The following SLAIN2 variants were observed in gnomAD, a reference collection of about 807,000 sequenced individuals.
The protein encoded by SLAIN2 is SLAIN motif-containing protein 2.
Under a neutral mutation model 56.6 loss-of-function variants are expected in SLAIN2, and 31 were observed. That is an observed-to-expected ratio of 0.55 (90% CI 0.41 to 0.74). The LOEUF is 0.74. Ranked by LOEUF, SLAIN2 falls within the 30% of genes least tolerant of loss-of-function variation. The pLI, the probability that SLAIN2 is intolerant of heterozygous loss-of-function variation, is 0.00. For synonymous variants in SLAIN2, 317 were observed against 284.9 expected, an observed-to-expected ratio of 1.11 and a Z score of -1.13; for missense variants, 777 against 754.2, an observed-to-expected ratio of 1.03 and a Z score of -0.35.
intron 6 of SLAIN2, among the ~76,000 whole-genome samples, chr4:48,397,163 A>AAAATG (rs1260052126): frequency 6.6e-6 from 1 of 152,220 alleles, no homozygotes; most frequent in Admixed American, 6.5e-5. Context: ...CCAGCGGGAA[A>AAAATG]AAATGAAGAC....
In SLAIN2 at chr4:48,341,932, C is replaced by T. The variant is rs1292622261; in HGVS notation, c.193C>T (p.Arg65Trp). 6.7e-7 allele frequency: 1 copy of T among 1,500,168 alleles called. No homozygotes were observed. Among genetic ancestry groups the T allele is most frequent in the Admixed American group, 2.3e-5 (1 of 44,322 alleles). The allele number at this position is 1,500,168 out of a possible 1,614,324, so 92.9% of individuals were successfully genotyped here. The change falls in exon 1 of 8, where the codon CGG becomes TGG. Residue 65 changes from arginine (R) to tryptophan (W), a missense_variant. Arg to Trp is a moderately radical substitution (Grantham distance 101). Coordinates refer to ENST00000264313, the MANE Select transcript of SLAIN2 (RefSeq NM_020846.2). ...SIPSSGAASPRGFPLGLSAKS... is the reference protein window; with the variant it reads ...SIPSSGAASPWGFPLGLSAKS... The stretch of plus-strand genomic sequence containing the variant: ...TCCCTCCTCCGGCGCGGCGTCTCCT[C>T]GGGGCTTCCCCTTGGGCCTCAGCGC...
intron 1 of SLAIN2, among the ~76,000 whole-genome samples, chr4:48,359,018 G>T (rs1400446647): frequency 2.6e-5 from 4 of 152,192 alleles, no homozygotes; most frequent in Non-Finnish European, 4.4e-5. Flanking sequence ...ACCACGCCCA[G>T]CCTAAAGATA....
At position 48,342,711 on chromosome 4, in the gene SLAIN2, C is replaced by CTTTTTTTTTT. The variant is rs761272695; in HGVS notation, c.389+598_389+607dup. On this transcript the variant is annotated intron_variant, in intron 1 of 7. Transcript: ENST00000264313. ...GAAGAGAGGGCAGAGGATGGTGCTGCTTTTTTTTTTTTTTTTTTTTTTTTG... is the reference window on the plus strand; with the variant it reads ...GAAGAGAGGGCAGAGGATGGTGCTGCTTTTTTTTTTTTTTTTTTTTTTTTTTTTTTTTTTG... Among the ~76,000 whole-genome samples the CTTTTTTTTTT allele has an allele frequency of 3.0e-3, 195 of 65,946 alleles. 23 individuals are homozygous for CTTTTTTTTTT. The highest frequency in any genetic ancestry group is 5.1e-3 in the African/African-American group (82 of 15,984). 43.3% of individuals were successfully genotyped at this position (65,946 alleles called of 152,430 possible). A position where few individuals can be genotyped will look rare whatever the true frequency, so the allele number is the denominator to read the frequency against.
At chr4:48,371,150 G>C (rs1358867099) in intron 2 of SLAIN2, among the ~76,000 whole-genome samples, 2 of 149,740 alleles carry the variant, frequency 1.3e-5, no homozygotes, top group Non-Finnish European at 3.0e-5. Flanking sequence ...CTGTTGCCCA[G>C]GCTGGAGTGC....
At chr4:48,399,512 T>C (rs1716492640) in intron 6 of SLAIN2, among the ~76,000 whole-genome samples, 1 of 152,198 alleles carries the variant, frequency 6.6e-6, no homozygotes, top group Admixed American at 6.5e-5. Flanking sequence ...TCTTACCTGA[T>C]TGCCCTGACC....
chr4:48,366,586 G>A (rs1271424437), intron 1 of SLAIN2, among the ~76,000 whole-genome samples: 1 of 151,990 alleles, frequency 6.6e-6, no homozygotes, highest in Non-Finnish European at 1.5e-5. Flanking sequence ...AGTTTTTGTA[G>A]TTACTTTTTC....
rs1384653391 is a variant in SLAIN2 at position 48,424,152 on chromosome 4, T to A, written c.*2075T>A. 3 of 152,186 alleles carry A rather than the reference T, an allele frequency of 2.0e-5. No homozygotes were observed. Among genetic ancestry groups the A allele is most frequent in the African/African-American group, 4.8e-5 (2 of 41,454 alleles). 9.4% of individuals were successfully genotyped at this position (152,186 alleles called of 1,614,324 possible). On this transcript the variant is annotated 3_prime_UTR_variant, in exon 8 of 8. Coordinates refer to ENST00000264313, the MANE Select transcript of SLAIN2 (RefSeq NM_020846.2). ...TCAGAAAAAAATGTCTATTTTTTTT[T>A]ATTAAAATATTTCATCACTTGTTAA...
At chr4:48,418,070 A>G (rs911794592) in intron 6 of SLAIN2, among the ~76,000 whole-genome samples, 5 of 138,858 alleles carry the variant, frequency 3.6e-5, no homozygotes, top group African/African-American at 1.3e-4. Flanking sequence ...GCCTTTTATT[A>G]TTATTTCTTC....
chr4:48,363,795 G>T (rs1356846554), intron 1 of SLAIN2, among the ~76,000 whole-genome samples: 3 of 138,554 alleles, frequency 2.2e-5, no homozygotes, highest in African/African-American at 5.3e-5. Context: ...CGGGTGGGGG[G>T]GCTGACCCCC....
intron 2 of SLAIN2, among the ~76,000 whole-genome samples, chr4:48,375,698 A>G (rs2109757247): frequency 6.6e-6 from 1 of 152,308 alleles, no homozygotes; most frequent in East Asian, 1.9e-4. Context: ...TAGGTTTCAG[A>G]CTTCTGAGCG....
chr4:48,387,008 C>A (rs1269681166), intron 6 of SLAIN2, among the ~76,000 whole-genome samples: 2 of 152,156 alleles, frequency 1.3e-5, no homozygotes, highest in African/African-American at 4.8e-5. Context: ...AAGATGCTTT[C>A]ATATTTAGTT....
chr4:48,409,992 G>A lies in SLAIN2; in HGVS notation c.1361-10133G>A, dbSNP rs185497836. Reference sequence around the variant, plus strand: ...GCTTAGTGTAATTACTGGATCATATGGTAGCTTTATGTTTAACATATTAAG... The same window carrying A: ...GCTTAGTGTAATTACTGGATCATATAGTAGCTTTATGTTTAACATATTAAG... On this transcript the variant is annotated intron_variant, in intron 6 of 7. Transcript: ENST00000264313. Among the ~76,000 whole-genome samples the A allele has an allele frequency of 3.0e-3, 450 of 152,238 alleles. 10 individuals are homozygous for A. Among genetic ancestry groups the A allele is most frequent in the Admixed American group, 0.026 (396 of 15,290 alleles).
intron 1 of SLAIN2, among the ~76,000 whole-genome samples, chr4:48,365,087 G>T (rs1389174117): frequency 6.6e-6 from 1 of 151,886 alleles, no homozygotes. Context: ...TAGTGTTTGT[G>T]GTGATGTCCT....
At chr4:48,395,044 G>A (rs948412838) in intron 6 of SLAIN2, among the ~76,000 whole-genome samples, 7 of 152,142 alleles carry the variant, frequency 4.6e-5, no homozygotes. Flanking sequence ...GTGTAAAATG[G>A]GAACACTTCC....
chr4:48,391,365 G>A (rs1349263742), intron 6 of SLAIN2, among the ~76,000 whole-genome samples: 2 of 152,040 alleles, frequency 1.3e-5, no homozygotes, highest in South Asian at 2.1e-4. Flanking sequence ...CATGAAGTGC[G>A]GTATTTATTA....
chr4:48,384,940 T>TAA (rs1277355046), intron 6 of SLAIN2, among the ~76,000 whole-genome samples: 1 of 152,172 alleles, frequency 6.6e-6, no homozygotes, highest in African/African-American at 2.4e-5. Context: ...ATAATGATAC[T>TAA]AGCACAGTTA....
intron 6 of SLAIN2, among the ~76,000 whole-genome samples, chr4:48,391,977 C>G (rs116195578): frequency 0.021 from 3,173 of 152,208 alleles, 118 homozygotes; most frequent in African/African-American, 0.073. Flanking sequence ...GTGGAATTAT[C>G]TAAATATTAA....
Position 48,379,792 on chromosome 4 carries a change from A to C in SLAIN2, c.806A>C (p.Asn269Thr). 4 of 1,598,636 alleles carry C rather than the reference A, an allele frequency of 2.5e-6. No individual in the cohort carries two copies. The highest frequency in any genetic ancestry group is 3.4e-6 in the Non-Finnish European group (4 of 1,173,580). Residue 269 changes from asparagine to threonine, a missense_variant, in exon 4 of 8, where the codon AAT (asparagine) becomes ACT (threonine). Physicochemically the swap from Asn to Thr is moderately conservative, Grantham distance 65. Coordinates refer to ENST00000264313, the MANE Select transcript of SLAIN2 (RefSeq NM_020846.2). ...TTAGATGAAGATTCAATTGGATCCAATTATAAGCTAAATGATGTAACTGAT... is the reference window on the plus strand; with the variant it reads ...TTAGATGAAGATTCAATTGGATCCACTTATAAGCTAAATGATGTAACTGAT... Reference protein sequence around the residue: ...SELDEDSIGSNYKLNDVTDVQ... With the variant: ...SELDEDSIGSTYKLNDVTDVQ...
chr4:48,418,038 G>C (rs1191078272), intron 6 of SLAIN2, among the ~76,000 whole-genome samples: 1 of 151,904 alleles, frequency 6.6e-6, no homozygotes, highest in African/African-American at 2.4e-5. Context: ...AGACAACCAT[G>C]GGGACAGTTT....
Sources: gnomAD v4.1 joint callset for allele counts (sites outside exome capture counted in the v4.1 genomes callset) on GRCh38, gnomAD v4.1.1 for gene constraint, MANE v1.5 for transcripts, NCBI Gene and HGNC (gene_info 2026-07-23, HGNC 2026-07-21) for gene names.